Variants in B4GALNT4 observed in about 807,000 individuals in gnomAD.
B4GALNT4 encodes N-acetyl-beta-glucosaminyl-glycoprotein 4-beta-N-acetylgalactosaminyltransferase 1.
B4GALNT4 carries 77 observed loss-of-function variants against 110.0 expected under a neutral mutation model. The observed-to-expected ratio is 0.70, with a 90% CI of 0.58 to 0.85. The LOEUF (loss-of-function observed/expected upper bound fraction) is 0.85, where lower values mean the gene tolerates loss of function less well. Among genes scored for constraint, B4GALNT4 ranks in the 40% least tolerant of loss-of-function variants. B4GALNT4 has a pLI of 0.00. For missense variants in B4GALNT4, 1,575 were observed against 1,506.0 expected (o/e 1.05, Z -0.76); for synonymous variants, 785 against 655.5 (o/e 1.20, Z -3.02).
rs111901818 is a variant in B4GALNT4, at chr11:380,461, TC to T, written c.2869+19del. Reference sequence around the variant, plus strand: ...GACCCCCACGGTGAGGCCCCGAGCGTCCCACCCTGTGATACCAGGGTTCCCA... The same window carrying T: ...GACCCCCACGGTGAGGCCCCGAGCGTCCACCCTGTGATACCAGGGTTCCCA... On this transcript the variant is annotated intron_variant, in intron 18 of 19. Transcript: ENST00000329962. The T allele has an allele frequency of 6.4e-7, 1 of 1,573,542 alleles. No homozygotes were observed. The highest frequency in any genetic ancestry group is 8.6e-7 in the Non-Finnish European group (1 of 1,162,676).
At position 372,152 on chromosome 11, in the gene B4GALNT4, C is replaced by T. The variant is rs1427702943; in HGVS notation, c.195C>T (p.His65=). The T allele has an allele frequency of 2.3e-5, 35 of 1,549,758 alleles. No homozygotes were observed. The highest frequency in any genetic ancestry group is 1.4e-4 in the Admixed American group (7 of 50,940). Residue 65 remains histidine (H), a synonymous_variant, in exon 2 of 20, where the codon CAC becomes CAT. Coordinates refer to ENST00000329962, the MANE Select transcript of B4GALNT4 (RefSeq NM_178537.5). ...GTGAGACCGACGGCCGGGGGGTCCA[C>T]GCTGCGCCATCCACACAGAGGGCTG... ...LTSETDGRGV[H]AAPSTQRAED... is the part of the protein sequence containing the mutation.
At position 380,006 on chromosome 11, in the gene B4GALNT4, G is replaced by T. The variant is rs1476978397; in HGVS notation, c.2629G>T (p.Ala877Ser). ...GGACGTGGAGCGGGCCCTGCGCGCC[G>T]CGCGCCTGCCCCGGTAACGACCCCT... ...DMDVERALRAARLPRYQYLRR... is the reference protein window; with the variant it reads ...DMDVERALRASRLPRYQYLRR... The change falls in exon 16 of 20, where the codon GCG becomes TCG. Residue 877 changes from alanine (A) to serine (S), a missense_variant. Ala to Ser is a moderately conservative substitution (Grantham distance 99). Transcript: ENST00000329962. 1 of 1,612,508 alleles carries T rather than the reference G, an allele frequency of 6.2e-7. No individual in the cohort carries two copies.
chr11:375,781 G>A lies in B4GALNT4; in HGVS notation c.985+8G>A. The A allele has an allele frequency of 6.2e-7, 1 of 1,600,432 alleles. No individual in the cohort carries two copies. Among genetic ancestry groups the A allele is most frequent in the Non-Finnish European group, 8.5e-7 (1 of 1,176,776 alleles). On this transcript the variant is annotated splice_region_variant and intron_variant, in intron 10 of 19. Transcript: ENST00000329962. ...GGGATACCTTTTTCCTCAGTGAGAG[G>A]GGGCCCGCGCGGGGGCGAGGGCGGG... is the stretch of plus-strand genomic sequence containing the variant.
intron 19 of B4GALNT4, 74 bp downstream of exon 19, chr11:381,025 T>G: frequency 1.3e-6 from 2 of 1,548,566 alleles, no homozygotes; most frequent in Non-Finnish European, 1.7e-6. Flanking sequence ...GGAAGGGGGA[T>G]TTATGCCCCC....
At position 373,414 on chromosome 11, in the gene B4GALNT4, C is replaced by CG. The variant is rs775467796; in HGVS notation, c.637-35_637-34insG. 8.1e-6 allele frequency: 9 copies of CG among 1,111,262 alleles called. 1 individual carries two copies. The East Asian group carries it at 1.3e-4, about 16-fold the overall frequency. The allele number at this position is 1,111,262 out of a possible 1,614,324, so 68.8% of individuals were successfully genotyped here. A position where few individuals can be genotyped will look rare whatever the true frequency, so the allele number is the denominator to read the frequency against. On this transcript the variant is annotated intron_variant, in intron 6 of 19. Transcript: ENST00000329962. ...GTCCCCAGGGAGAGAGTGAACCCCC[C>CG]CCCCCACCACCACCCCTGCTCTATC... is the stretch of plus-strand genomic sequence containing the variant.
Position 373,757 on chromosome 11 carries a change from G to T in B4GALNT4, c.712G>T (p.Ala238Ser). Reference sequence around the variant, plus strand: ...TGCTCCTCGTGTCCCCAGGCTCATGGCCTCCCGGAGGTACTACTTTGAGTT... The same window carrying T: ...TGCTCCTCGTGTCCCCAGGCTCATGTCCTCCCGGAGGTACTACTTTGAGTT... ...SQVSKPRRLM[A>S]SRRYYFELLH... The change falls in exon 8 of 20, where the codon GCC (alanine) becomes TCC (serine). Residue 238 changes from alanine to serine, a missense_variant. Coordinates refer to ENST00000329962, the MANE Select transcript of B4GALNT4 (RefSeq NM_178537.5). The T allele has an allele frequency of 6.2e-7, 1 of 1,612,268 alleles. No individual in the cohort carries two copies. The highest frequency in any genetic ancestry group is 8.5e-7 in the Non-Finnish European group (1 of 1,179,844).
rs1479469515 is a variant in B4GALNT4, at chr11:380,409, C to A, written c.2833C>A (p.Arg945Ser). Residue 945 changes from arginine to serine, a missense_variant, in exon 18 of 20, where the codon CGC (arginine) becomes AGC (serine). Arg to Ser is a moderately radical substitution (Grantham distance 110). Transcript: ENST00000329962. ...GCTGGCCTTCGCGCCCGTGGTCATG[C>A]GCCTGAGCTGCGGGAGCTCGCCCCG... is the stretch of plus-strand genomic sequence containing the variant. ...GRLAFAPVVM[R>S]LSCGSSPRDP... is the part of the protein sequence containing the mutation. 2.5e-6 allele frequency: 4 copies of A among 1,611,136 alleles called. No homozygotes were observed. The highest frequency in any genetic ancestry group is 1.3e-5 in the African/African-American group (1 of 74,824).
rs372311975 is a variant in B4GALNT4 at position 381,618 on chromosome 11, T to G, written c.2997-51T>G. The G allele has an allele frequency of 5.4e-6, 8 of 1,494,810 alleles. No homozygotes were observed. The African/African-American group carries it at 1.2e-4, about 22-fold the overall frequency. 92.6% of individuals were successfully genotyped at this position (1,494,810 alleles called of 1,614,324 possible). ...CCCCGGCCCCGGGGTCCTGACCACC[T>G]CTCCGTCCCCAACCCCGGGGTCCTG... On this transcript the variant is annotated intron_variant, in intron 19 of 19. Coordinates refer to ENST00000329962, the MANE Select transcript of B4GALNT4 (RefSeq NM_178537.5).
Position 376,819 on chromosome 11 carries a change from C to A in B4GALNT4, c.1696C>A (p.Arg566=). 1 of 1,354,616 alleles carries A rather than the reference C, an allele frequency of 7.4e-7. No individual in the cohort carries two copies. The highest frequency in any genetic ancestry group is 1.6e-5 in the South Asian group (1 of 62,438). 83.9% of individuals were successfully genotyped at this position (1,354,616 alleles called of 1,614,324 possible). A position where few individuals can be genotyped will look rare whatever the true frequency, so the allele number is the denominator to read the frequency against. ...CAGGCCTCTGCCCAGAGTGCAGCTG[C>A]GGGCGCCCCCACGCCCACCCCGGCC... ...HPRPLPRVQL[R]APPRPPRPHG... The change falls in exon 14 of 20, where the codon CGG becomes AGG. Residue 566 remains arginine, a synonymous_variant. Coordinates refer to ENST00000329962, the MANE Select transcript of B4GALNT4 (RefSeq NM_178537.5).
Position 376,484 on chromosome 11 carries a change from C to T in B4GALNT4, c.1361C>T (p.Pro454Leu), listed in dbSNP as rs887910167. ...LDSLEPTEAA[P>L]PRSGPQSPAP... ...AGCCTGGAGCCCACCGAGGCGGCCC[C>T]GCCCAGGAGCGGCCCCCAGTCCCCC... Residue 454 changes from proline to leucine, a missense_variant, in exon 14 of 20, where the codon CCG becomes CTG. By Grantham distance (98) the Pro-to-Leu change is moderately conservative. Transcript: ENST00000329962. 3.2e-6 allele frequency: 5 copies of T among 1,577,992 alleles called. No individual in the cohort carries two copies. Among genetic ancestry groups the T allele is most frequent in the Non-Finnish European group, 4.3e-6 (5 of 1,170,704 alleles).
At position 373,875 on chromosome 11, in the gene B4GALNT4, C is replaced by T. The variant is rs755051173; in HGVS notation, c.783+47C>T. On this transcript the variant is annotated intron_variant, in intron 8 of 19. Transcript: ENST00000329962. ...GGGCTTCTGGAGACTCCACTCCCCC[C>T]ACCTCCCTGCAGGACAACCGCAATG... 7 of 1,576,318 alleles carry T rather than the reference C, an allele frequency of 4.4e-6. No individual in the cohort carries two copies. In the African/African-American group the frequency reaches 8.1e-5, roughly 18 times the overall value.
intron 8 of B4GALNT4, among the ~76,000 whole-genome samples, chr11:374,487 G>T (rs968584017): frequency 6.8e-6 from 1 of 147,734 alleles, no homozygotes; most frequent in East Asian, 2.1e-4. Flanking sequence ...AGAGGGCCCA[G>T]ACTGGAGACA....
chr11:377,888 C>T (rs966297878), intron 14 of B4GALNT4, among the ~76,000 whole-genome samples: 3 of 152,228 alleles, frequency 2.0e-5, no homozygotes, highest in Non-Finnish European at 4.4e-5. Context: ...TCCCTGCAGG[C>T]TGGTGGGCAG....
chr11:373,726 GAC>G (rs1846667893), intron 7 of B4GALNT4, 22 bp from the exon 8 acceptor site: 9 of 1,610,744 alleles, frequency 5.6e-6, no homozygotes, highest in Admixed American at 1.7e-5. Flanking sequence ...TGCATGGCAC[GAC>G]CCTTGCTCCT....
intron 1 of B4GALNT4, 33 bp downstream of exon 1, chr11:369,987 G>A (rs1203594430): frequency 4.1e-5 from 13 of 313,528 alleles, no homozygotes; most frequent in Middle Eastern, 1.7e-3. Flanking sequence ...GGCGCGGGGG[G>A]CGGGGGCGGC....
rs1399619511 is a variant in B4GALNT4 at position 376,302 on chromosome 11, T to C, written c.1248T>C (p.Asp416=). 2.5e-6 allele frequency: 4 copies of C among 1,610,350 alleles called. No homozygotes were observed. Among genetic ancestry groups the C allele is most frequent in the Admixed American group, 3.3e-5 (2 of 59,860 alleles). Residue 416 remains aspartate (D), a synonymous_variant, in exon 13 of 20, where the codon GAT becomes GAC. Coordinates refer to ENST00000329962, the MANE Select transcript of B4GALNT4 (RefSeq NM_178537.5). ...MKMDKEEGDE[D]EEDEVQRRAF... ...TGGACAAGGAGGAGGGGGATGAGGA[T>C]GAAGAAGACGAGGTGCAGCGCCGAG...
chr11:376,002 G>T (rs368716718), intron 11 of B4GALNT4, 46 bp downstream of exon 11: 3 of 1,604,822 alleles, frequency 1.9e-6, no homozygotes, highest in Non-Finnish European at 2.6e-6. Context: ...ACTCCGCGGA[G>T]CCTTCTCCAG....
chr11:377,000 C>T lies in B4GALNT4; in HGVS notation c.1877C>T (p.Thr626Ile). The T allele has an allele frequency of 4.1e-6, 6 of 1,452,826 alleles. No homozygotes were observed. Among genetic ancestry groups the T allele is most frequent in the African/African-American group, 1.5e-5 (1 of 66,668 alleles). The allele number at this position is 1,452,826 out of a possible 1,614,324, so 90.0% of individuals were successfully genotyped here. The change falls in exon 14 of 20, where the codon ACC becomes ATC. Residue 626 changes from threonine to isoleucine, a missense_variant. Thr to Ile is a moderately conservative substitution (Grantham distance 89). Coordinates refer to ENST00000329962, the MANE Select transcript of B4GALNT4 (RefSeq NM_178537.5). ...TTGTCCTCCGAAGCGCGGCCCGTGACCTCCTTCCTGAGCTTGTCCCAGGTG... is the reference window on the plus strand; with the variant it reads ...TTGTCCTCCGAAGCGCGGCCCGTGATCTCCTTCCTGAGCTTGTCCCAGGTG... ...SNLSSEARPVTSFLSLSQVSG... is the reference protein window; with the variant it reads ...SNLSSEARPVISFLSLSQVSG...
intron 11 of B4GALNT4, 50 bp downstream of exon 11, chr11:376,006 T>C (rs1846739553): frequency 6.2e-7 from 1 of 1,604,990 alleles, no homozygotes; most frequent in Non-Finnish European, 8.5e-7. Context: ...CGCGGAGCCT[T>C]CTCCAGCCCC....
Sources: gnomAD v4.1 joint callset for allele counts (sites outside exome capture counted in the v4.1 genomes callset) on GRCh38, gnomAD v4.1.1 for gene constraint, MANE v1.5 for transcripts, NCBI Gene and HGNC (gene_info 2026-07-23, HGNC 2026-07-21) for gene names.